Variants in FHIT observed in about 807,000 individuals in gnomAD.
FHIT encodes the protein fragile histidine triad diadenosine triphosphatase.
In FHIT, 19 loss-of-function variants were observed where a neutral mutation model predicts 17.9. The observed-to-expected ratio is 1.06, with a 90% CI of 0.74 to 1.56. The LOEUF (loss-of-function observed/expected upper bound fraction) is 1.56, where lower values mean the gene tolerates loss of function less well. Ranked by LOEUF, FHIT falls within the 40% of genes most tolerant of loss-of-function variation. The pLI, the probability that FHIT is intolerant of heterozygous loss-of-function variation, is 0.00. For synonymous variants in FHIT, 81 were observed against 69.7 expected (o/e 1.16, Z -0.81); for missense variants, 248 against 189.2 (o/e 1.31, Z -1.82).
At chr3:60,508,893 A>C (rs1267254128) in intron 5 of FHIT, among the ~76,000 whole-genome samples, 1 of 152,166 alleles carries the variant, frequency 6.6e-6, no homozygotes, top group Admixed American at 6.5e-5. Flanking sequence ...GGTTTTAAAA[A>C]AAACTAATTC....
intron 3 of FHIT, among the ~76,000 whole-genome samples, chr3:60,885,878 CAT>C (rs1414839489): frequency 2.6e-5 from 4 of 152,238 alleles, no homozygotes; most frequent in Admixed American, 2.0e-4. Context: ...CTGACACATT[CAT>C]ATGTTTTACA....
intron 8 of FHIT, among the ~76,000 whole-genome samples, chr3:59,865,308 T>C (rs971428924): frequency 1.3e-5 from 2 of 152,266 alleles, no homozygotes; most frequent in African/African-American, 2.4e-5. Flanking sequence ...ATGTTAATAG[T>C]ATTTAAACAT....
chr3:59,837,150 G>C (rs1485733), intron 8 of FHIT, among the ~76,000 whole-genome samples: 138,114 of 152,184 alleles, frequency 0.91, 62,709 homozygotes, highest in East Asian at 1. Context: ...TCTAAAAATG[G>C]CTGAGTAGTC....
chr3:60,319,845 G>C (rs1709340622), intron 5 of FHIT, among the ~76,000 whole-genome samples: 1 of 152,144 alleles, frequency 6.6e-6, no homozygotes, highest in Admixed American at 6.6e-5. Context: ...CTGGTTCTGA[G>C]GGTAGAATCA....
intron 4 of FHIT, among the ~76,000 whole-genome samples, chr3:60,649,403 A>G (rs1428446405): frequency 6.6e-6 from 1 of 152,178 alleles, no homozygotes; most frequent in African/African-American, 2.4e-5. Context: ...GTCCATCTCA[A>G]AAAAACAAAA....
intron 4 of FHIT, among the ~76,000 whole-genome samples, chr3:60,557,811 C>A: frequency 6.6e-6 from 1 of 151,912 alleles, no homozygotes; most frequent in East Asian, 1.9e-4. Flanking sequence ...CATTTTGAGT[C>A]CAAGTAAAAC....
In FHIT at chr3:60,281,871, T is replaced by C. The variant is rs1045750353; in HGVS notation, c.103+254989A>G. 2.6e-5 allele frequency among the ~76,000 whole-genome samples: 4 copies of C among 152,102 alleles called. No homozygotes were observed. In the East Asian group the frequency reaches 7.7e-4, roughly 29 times the overall value. ...ACTTTTGCTCTACAAAAAATACTGTTAAGAGAATGAAAGGACAAGGCACAG... is the reference window on the plus strand; with the variant it reads ...ACTTTTGCTCTACAAAAAATACTGTCAAGAGAATGAAAGGACAAGGCACAG... On this transcript the variant is annotated intron_variant, in intron 5 of 9. Transcript: ENST00000492590.
intron 5 of FHIT, among the ~76,000 whole-genome samples, chr3:60,244,901 A>G (rs1004438705): frequency 4.6e-5 from 7 of 152,156 alleles, no homozygotes; most frequent in African/African-American, 1.4e-4. Flanking sequence ...CTGTCTGTCA[A>G]TGCATTTTTA....
intron 5 of FHIT, among the ~76,000 whole-genome samples, chr3:60,534,462 A>AAAAAAAAAAAAAAAAAAC (rs2035910337): frequency 1.3e-5 from 1 of 78,474 alleles, no homozygotes; most frequent in Non-Finnish European, 2.9e-5. Flanking sequence ...AAAAAAAAAA[A>AAAAAAAAAAAAAAAAAAC]AGATGCGTCT....
intron 2 of FHIT, among the ~76,000 whole-genome samples, chr3:61,068,684 CCACACCAGTCAGTT>C: frequency 6.6e-6 from 1 of 152,148 alleles, no homozygotes; most frequent in South Asian, 2.1e-4. Flanking sequence ...ATTCTACCTA[CCACACCAGTCAGTT>C]CACTCTGATT....
intron 7 of FHIT, among the ~76,000 whole-genome samples, chr3:59,954,237 T>C (rs945704957): frequency 6.6e-6 from 1 of 151,288 alleles, no homozygotes; most frequent in African/African-American, 2.4e-5. Flanking sequence ...TTTTCTTTTT[T>C]TTCCAAATGT....
intron 5 of FHIT, among the ~76,000 whole-genome samples, chr3:60,289,975 T>C (rs1353545168): frequency 6.6e-6 from 1 of 152,224 alleles, no homozygotes; most frequent in Non-Finnish European, 1.5e-5. Context: ...TGAAGCTCTA[T>C]AGTTCATGTG....
Position 60,357,333 on chromosome 3 carries a change from C to T in FHIT, c.103+179527G>A, listed in dbSNP as rs185456996. ...AGCTCAAGCGATTCTCCTGCCTCGG[C>T]CTCTTGAGTAGCTGGGATTACAGGC... On this transcript the variant is annotated intron_variant, in intron 5 of 9. Coordinates refer to ENST00000492590, the MANE Select transcript of FHIT (RefSeq NM_002012.4). Among the ~76,000 whole-genome samples, 16 of 152,220 alleles carry T rather than the reference C, an allele frequency of 1.1e-4. No individual in the cohort carries two copies. In the East Asian group the frequency reaches 2.9e-3, roughly 28 times the overall value.
chr3:59,881,937 A>T (rs1439743367), intron 8 of FHIT, among the ~76,000 whole-genome samples: 1 of 152,212 alleles, frequency 6.6e-6, no homozygotes, highest in Non-Finnish European at 1.5e-5. Flanking sequence ...GTTACTAAAT[A>T]ATAGCAATAT....
intron 2 of FHIT, among the ~76,000 whole-genome samples, chr3:61,092,231 A>C (rs2035508330): frequency 6.6e-6 from 1 of 152,080 alleles, no homozygotes. Context: ...GGAGAAGGCT[A>C]TTCCCCAAGG....
intron 5 of FHIT, among the ~76,000 whole-genome samples, chr3:60,411,789 G>T (rs1242926765): frequency 6.6e-6 from 1 of 152,078 alleles, no homozygotes; most frequent in East Asian, 1.9e-4. Flanking sequence ...AGATGTAAAT[G>T]TCCTGCCACA....
intron 4 of FHIT, chr3:60,732,670 G>T (rs1248192774): frequency 2.8e-6 from 1 of 359,914 alleles, no homozygotes. Context: ...CAGTGGCAGC[G>T]TCTGCAAAGA....
intron 1 of FHIT, among the ~76,000 whole-genome samples, chr3:61,225,401 A>G (rs1219094546): frequency 6.6e-6 from 1 of 152,244 alleles, no homozygotes; most frequent in Non-Finnish European, 1.5e-5. Context: ...AATATTTGAC[A>G]GAACACAAAT....
intron 5 of FHIT, among the ~76,000 whole-genome samples, chr3:60,485,652 G>A (rs529304522): frequency 6.6e-6 from 1 of 151,976 alleles, no homozygotes; most frequent in African/African-American, 2.4e-5. Flanking sequence ...AGGCCTGTTG[G>A]GGGTGGGGGG....
Sources: allele counts gnomAD v4.1 joint callset (sites outside exome capture counted in the v4.1 genomes callset), GRCh38; gene constraint gnomAD v4.1.1; transcripts MANE v1.5; gene names NCBI Gene and HGNC (gene_info 2026-07-23, HGNC 2026-07-21).